Variants in MAP2 observed in about 807,000 individuals in gnomAD.
MAP2 encodes microtubule-associated protein 2.
MAP2 carries 14 observed loss-of-function variants against 137.6 expected under a neutral mutation model. The ratio of observed to expected loss-of-function variants is 0.10; its 90% CI spans 0.07 to 0.16. The LOEUF is 0.16. MAP2 is among the 10% of genes least tolerant of loss of function. The pLI is 1.00. For synonymous variants in MAP2, 786 were observed against 782.3 expected, an observed-to-expected ratio of 1.00 and a Z score of -0.08; for missense variants, 2,088 against 2,191.5, an observed-to-expected ratio of 0.95 and a Z score of 0.94.
intron 7 of MAP2, among the ~76,000 whole-genome samples, chr2:209,689,312 C>G (rs926219709): frequency 1.3e-5 from 2 of 151,330 alleles, no homozygotes; most frequent in African/African-American, 4.8e-5. Context: ...TTTTTTTTCT[C>G]TCTCTGTTTC....
chr2:209,457,284 G>C (rs769297541), intron 1 of MAP2, among the ~76,000 whole-genome samples: 2 of 152,124 alleles, frequency 1.3e-5, no homozygotes, highest in Non-Finnish European at 2.9e-5. Context: ...CACTTTCACT[G>C]GGTCTGGCAA....
At chr2:209,490,716 A>G (rs149435976) in intron 1 of MAP2, among the ~76,000 whole-genome samples, 2 of 151,876 alleles carry the variant, frequency 1.3e-5, no homozygotes, top group Non-Finnish European at 2.9e-5. Context: ...GACATTACGT[A>G]ATGGTAAAGA....
intron 1 of MAP2, among the ~76,000 whole-genome samples, chr2:209,499,661 G>A (rs561541351): frequency 5.9e-5 from 9 of 152,090 alleles, no homozygotes; most frequent in African/African-American, 9.7e-5. Context: ...ACACAGTGCC[G>A]GCATCAGCTT....
intron 3 of MAP2, among the ~76,000 whole-genome samples, chr2:209,615,272 G>A (rs532150183): frequency 6.6e-6 from 1 of 152,274 alleles, no homozygotes; most frequent in African/African-American, 2.4e-5. Context: ...GCTCCCAGCA[G>A]GTGAACTCAA....
chr2:209,634,507 CA>C (rs2093386321), intron 4 of MAP2, among the ~76,000 whole-genome samples: 1 of 151,960 alleles, frequency 6.6e-6, no homozygotes, highest in South Asian at 2.1e-4. Context: ...CAAGGAGGAG[CA>C]AAAGGCAGCT....
intron 4 of MAP2, among the ~76,000 whole-genome samples, chr2:209,646,976 A>G (rs2094459185): frequency 6.6e-6 from 1 of 152,174 alleles, no homozygotes; most frequent in Non-Finnish European, 1.5e-5. Flanking sequence ...CAGTTGCCTC[A>G]TGGTTCACAG....
At chr2:209,572,847 G>A (rs1389417290) in intron 2 of MAP2, among the ~76,000 whole-genome samples, 1 of 152,168 alleles carries the variant, frequency 6.6e-6, no homozygotes, top group African/African-American at 2.4e-5. Flanking sequence ...AGCCATGAGA[G>A]TGATTTACAT....
chr2:209,594,676 A>T (rs1337241294), intron 3 of MAP2, among the ~76,000 whole-genome samples: 1 of 152,160 alleles, frequency 6.6e-6, no homozygotes, highest in African/African-American at 2.4e-5. Context: ...ATCATATTTC[A>T]TATTTTTTAC....
At position 209,650,362 on chromosome 2, in the gene MAP2, C is replaced by T. The variant is rs2710481; in HGVS notation, c.-29-2780C>T. Among the ~76,000 whole-genome samples, 1,394 of 152,278 alleles carry T rather than the reference C, an allele frequency of 9.2e-3. 16 individuals are homozygous for T. The highest frequency in any genetic ancestry group is 0.03 in the African/African-American group (1,248 of 41,558). On this transcript the variant is annotated intron_variant, in intron 4 of 15. Coordinates refer to ENST00000682079, the MANE Select transcript of MAP2 (RefSeq NM_001375505.1). ...CAAATATCCAGTAGCGTATCAAAAGCTTTCAGAAGGCTCATAGTGTTCCTA... is the reference window on the plus strand; with the variant it reads ...CAAATATCCAGTAGCGTATCAAAAGTTTTCAGAAGGCTCATAGTGTTCCTA...
intron 1 of MAP2, among the ~76,000 whole-genome samples, chr2:209,492,591 T>C (rs2059254516): frequency 6.6e-6 from 1 of 152,092 alleles, no homozygotes; most frequent in African/African-American, 2.4e-5. Flanking sequence ...TTCAGCAAAG[T>C]CTCAGGATAC....
At chr2:209,438,907 A>G (rs1203140088) in intron 1 of MAP2, among the ~76,000 whole-genome samples, 3 of 151,148 alleles carry the variant, frequency 2.0e-5, no homozygotes, top group Non-Finnish European at 4.4e-5. Flanking sequence ...ATTATTATTT[A>G]TAATATAATC....
At chr2:209,698,140 A>G (rs1583820558) in intron 10 of MAP2, among the ~76,000 whole-genome samples, 2 of 151,906 alleles carry the variant, frequency 1.3e-5, no homozygotes, top group Non-Finnish European at 2.9e-5. Context: ...GAGCCACTGC[A>G]CCCGGCCTGC....
At chr2:209,675,583 T>G (rs1419042160) in intron 5 of MAP2, among the ~76,000 whole-genome samples, 1 of 151,916 alleles carries the variant, frequency 6.6e-6, no homozygotes, top group East Asian at 1.9e-4. Context: ...TTATTTGGGC[T>G]ACACTTGTAT....
At chr2:209,462,514 G>T (rs1429929372) in intron 1 of MAP2, among the ~76,000 whole-genome samples, 1 of 152,116 alleles carries the variant, frequency 6.6e-6, no homozygotes, top group Non-Finnish European at 1.5e-5. Context: ...TTGTATCTCT[G>T]AGAGCTCAGT....
intron 2 of MAP2, among the ~76,000 whole-genome samples, chr2:209,567,543 T>C (rs992642910): frequency 3.9e-5 from 6 of 152,012 alleles, no homozygotes; most frequent in Admixed American, 3.3e-4. Context: ...ATTCTTACAA[T>C]AGCTATTTTT....
intron 11 of MAP2, among the ~76,000 whole-genome samples, chr2:209,701,702 A>G (rs536738729): frequency 3.5e-4 from 54 of 152,202 alleles, no homozygotes; most frequent in African/African-American, 1.3e-3. Context: ...TGATTTTTAT[A>G]CAAATGTTTC....
At chr2:209,537,933 C>T (rs1266525432) in intron 2 of MAP2, among the ~76,000 whole-genome samples, 3 of 152,060 alleles carry the variant, frequency 2.0e-5, no homozygotes, top group African/African-American at 4.8e-5. Context: ...GGCACCTGTA[C>T]CAAATACAAT....
At chr2:209,687,851 CCGATGAGGAGTA>C (rs1380937241) in intron 7 of MAP2, among the ~76,000 whole-genome samples, 2 of 152,098 alleles carry the variant, frequency 1.3e-5, no homozygotes, top group Non-Finnish European at 2.9e-5. Flanking sequence ...CCTTACAATT[CCGATGAGGAGTA>C]CTATGAGCAT....
chr2:209,598,675 C>G (rs1324660054), intron 3 of MAP2, among the ~76,000 whole-genome samples: 1 of 149,808 alleles, frequency 6.7e-6, no homozygotes, highest in African/African-American at 2.5e-5. Context: ...TCAATTCCCA[C>G]CTATGAGTGA....
Sources: allele counts gnomAD v4.1 joint callset (sites outside exome capture counted in the v4.1 genomes callset), GRCh38; gene constraint gnomAD v4.1.1; transcripts MANE v1.5; gene names NCBI Gene and HGNC (gene_info 2026-07-23, HGNC 2026-07-21).